Variants in TENT4A observed in about 807,000 individuals in gnomAD.
TENT4A encodes DNA polymerase kappa.
TENT4A carries 7 observed loss-of-function variants against 72.8 expected under a neutral mutation model. The observed-to-expected ratio is 0.10, with a 90% CI of 0.05 to 0.18. The LOEUF (loss-of-function observed/expected upper bound fraction) is 0.18, where lower values mean the gene tolerates loss of function less well. Ranked by LOEUF, TENT4A falls within the 10% of genes least tolerant of loss-of-function variation. The pLI is 1.00. For missense variants in TENT4A, 831 were observed against 1,017.7 expected, an observed-to-expected ratio of 0.82 and a Z score of 2.50; for synonymous variants, 456 against 434.3, an observed-to-expected ratio of 1.05 and a Z score of -0.62.
chr5:6,744,264 T>C (rs953602154), intron 6 of TENT4A, among the ~76,000 whole-genome samples: 1 of 152,238 alleles, frequency 6.6e-6, no homozygotes, highest in Non-Finnish European at 1.5e-5. Context: ...TGATGAAACA[T>C]CATTATTTTG....
rs1742701891 is a variant in TENT4A, at chr5:6,756,400, A to G, written c.*1455A>G. 6.6e-6 allele frequency: 1 copy of G among 152,610 alleles called. No homozygotes were observed. Among genetic ancestry groups the G allele is most frequent in the South Asian group, 2.1e-4 (1 of 4,826 alleles). The allele number at this position is 152,610 out of a possible 1,614,324, so 9.5% of individuals were successfully genotyped here. ...ACAGGTAGGTTGGTCTTTGAAGTCC[A>G]CTAGTGGAGAATGTCAAGACAAGAT... On this transcript the variant is annotated 3_prime_UTR_variant, in exon 13 of 13. Transcript: ENST00000230859.
At chr5:6,734,879 T>C (rs2126627865) in intron 1 of TENT4A, among the ~76,000 whole-genome samples, 1 of 152,350 alleles carries the variant, frequency 6.6e-6, no homozygotes, top group Non-Finnish European at 1.5e-5. Flanking sequence ...CAAAAACGGA[T>C]GCCATGTTAC....
chr5:6,748,420 T>A (rs747156714), intron 7 of TENT4A, 44 bp from the exon 8 acceptor site: 1 of 1,607,078 alleles, frequency 6.2e-7, no homozygotes, highest in Non-Finnish European at 8.5e-7. Context: ...ATGTGGACGA[T>A]GGTGTGCATG....
At chr5:6,722,407 C>G (rs575731010) in intron 1 of TENT4A, among the ~76,000 whole-genome samples, 4 of 152,150 alleles carry the variant, frequency 2.6e-5, no homozygotes, top group Non-Finnish European at 5.9e-5. Flanking sequence ...AAAGTGAAAA[C>G]TGCTAAAGAC....
At chr5:6,741,674 T>G (rs189541846) in intron 4 of TENT4A, among the ~76,000 whole-genome samples, 4 of 152,372 alleles carry the variant, frequency 2.6e-5, no homozygotes, top group Admixed American at 2.6e-4. Context: ...CCTCACACGC[T>G]GAGTCCTTGG....
At chr5:6,741,828 AAGGCTGAAGGAAAC>A (rs1208709254) in intron 4 of TENT4A, among the ~76,000 whole-genome samples, 4 of 152,180 alleles carry the variant, frequency 2.6e-5, no homozygotes, top group African/African-American at 9.7e-5. Context: ...TTAATCCTTC[AAGGCTGAAGGAAAC>A]AAAACATTGC....
In TENT4A at chr5:6,752,627, A is replaced by G. The variant is rs141369265; in HGVS notation, c.2020-246A>G. On this transcript the variant is annotated intron_variant, in intron 11 of 12. Coordinates refer to ENST00000230859, the MANE Select transcript of TENT4A (RefSeq NM_006999.6). ...TAATGTCTTGATCGTTTGATCTTCA[A>G]TGAGTTTCAAACTTTATGACTTGGA... Among the ~76,000 whole-genome samples the G allele has an allele frequency of 1.2e-4, 19 of 152,372 alleles. No individual in the cohort carries two copies. In the East Asian group the frequency reaches 2.3e-3, roughly 19 times the overall value.
chr5:6,732,595 C>T (rs1741266572), intron 1 of TENT4A, among the ~76,000 whole-genome samples: 1 of 152,184 alleles, frequency 6.6e-6, no homozygotes, highest in Non-Finnish European at 1.5e-5. Context: ...TGGACTCTTG[C>T]AAGGCAGTGA....
chr5:6,725,641 A>G (rs1388599926), intron 1 of TENT4A, among the ~76,000 whole-genome samples: 1 of 152,210 alleles, frequency 6.6e-6, no homozygotes, highest in Non-Finnish European at 1.5e-5. Flanking sequence ...GTGCTAACTA[A>G]CTAAAACATA....
intron 1 of TENT4A, among the ~76,000 whole-genome samples, chr5:6,735,748 G>GTT (rs35689170): frequency 1.3e-5 from 2 of 149,082 alleles, no homozygotes; most frequent in African/African-American, 4.9e-5. Flanking sequence ...TTGGGGTGAG[G>GTT]TTTTTTCTTA....
rs562163766 is a variant in TENT4A, at chr5:6,734,461, C to T, written c.717-3049C>T. Among the ~76,000 whole-genome samples, 70 of 152,306 alleles carry T rather than the reference C, an allele frequency of 4.6e-4. No homozygotes were observed. The South Asian group carries it at 8.5e-3, about 18-fold the overall frequency. Reference sequence around the variant, plus strand: ...CCTCGTGGGCAGTCCTGGAGTCGTGCGGCACCTTGCTGGTCCCTGCTCTCC... The same window carrying T: ...CCTCGTGGGCAGTCCTGGAGTCGTGTGGCACCTTGCTGGTCCCTGCTCTCC... On this transcript the variant is annotated intron_variant, in intron 1 of 12. Transcript: ENST00000230859.
intron 7 of TENT4A, among the ~76,000 whole-genome samples, chr5:6,747,757 C>T (rs931515595): frequency 6.6e-6 from 1 of 152,182 alleles, no homozygotes; most frequent in Non-Finnish European, 1.5e-5. Context: ...GTACTTAGAA[C>T]ATATATCCTT....
rs1431834006 is a variant in TENT4A at position 6,714,316 on chromosome 5, G to GTCGTCGTCCTCC, written c.339_350dup (p.Ser114_Ser117dup). On this transcript the variant is annotated inframe_insertion, in exon 1 of 13. Transcript: ENST00000230859. ...ACAAGTCGCCGTCGCTGTCGTCCTCGTCGTCGTCCTCCTCGTCCAACGCGG... is the reference window on the plus strand; with the variant it reads ...ACAAGTCGCCGTCGCTGTCGTCCTCGTCGTCGTCCTCCTCGTCGTCCTCCTCGTCCAACGCGG... The GTCGTCGTCCTCC allele has an allele frequency of 7.0e-5, 78 of 1,111,980 alleles. No homozygotes were observed. Among genetic ancestry groups the GTCGTCGTCCTCC allele is most frequent in the Non-Finnish European group, 8.2e-5 (75 of 912,334 alleles). The allele number at this position is 1,111,980 out of a possible 1,614,324, so 68.9% of individuals were successfully genotyped here. A position where few individuals can be genotyped will look rare whatever the true frequency, so the allele number is the denominator to read the frequency against.
intron 1 of TENT4A, among the ~76,000 whole-genome samples, chr5:6,716,157 CGAGCTGT>C (rs981594922): frequency 6.6e-6 from 1 of 152,138 alleles, no homozygotes; most frequent in Non-Finnish European, 1.5e-5. Flanking sequence ...TTGGGCTCCC[CGAGCTGT>C]TTCCTCCAGG....
chr5:6,715,819 T>C (rs1740353064), intron 1 of TENT4A, among the ~76,000 whole-genome samples: 1 of 152,242 alleles, frequency 6.6e-6, no homozygotes, highest in Non-Finnish European at 1.5e-5. Context: ...TGGCTTGGGC[T>C]ACAAGCGATA....
At chr5:6,746,084 T>A (rs952681628) in intron 6 of TENT4A, 130 bp from the exon 7 acceptor site, 2 of 1,535,092 alleles carry the variant, frequency 1.3e-6, no homozygotes, top group Admixed American at 4.4e-5. Flanking sequence ...CTCGTGGTGC[T>A]GGTGAGTGAG....
Position 6,748,467 on chromosome 5 carries a change from A to G in TENT4A, c.1463A>G (p.Asn488Ser). The change falls in exon 8 of 13, where the codon AAT (asparagine) becomes AGT (serine). Residue 488 changes from asparagine (N) to serine (S), a missense_variant. This residue lies in a region of TENT4A where 197 missense variants were observed against 399.6 expected (regional missense o/e 0.49). Coordinates refer to ENST00000230859, the MANE Select transcript of TENT4A (RefSeq NM_006999.6). ...LCIEDPLLPGNDVGRSSYGAM... is the reference protein window; with the variant it reads ...LCIEDPLLPGSDVGRSSYGAM... ...TGACATAGCCTTTTTGCTGCAGGGAATGACGTTGGCCGGAGCTCCTATGGC... is the reference window on the plus strand; with the variant it reads ...TGACATAGCCTTTTTGCTGCAGGGAGTGACGTTGGCCGGAGCTCCTATGGC... The G allele has an allele frequency of 3.1e-6, 5 of 1,614,028 alleles. No homozygotes were observed. Among genetic ancestry groups the G allele is most frequent in the Non-Finnish European group, 4.2e-6 (5 of 1,179,912 alleles).
rs540381556 is a variant in TENT4A, at chr5:6,720,598, C to A, written c.716+5899C>A. Among the ~76,000 whole-genome samples the A allele has an allele frequency of 4.6e-5, 7 of 151,872 alleles. No homozygotes were observed. The East Asian group carries it at 1.2e-3, about 25-fold the overall frequency. On this transcript the variant is annotated intron_variant, in intron 1 of 12. Coordinates refer to ENST00000230859, the MANE Select transcript of TENT4A (RefSeq NM_006999.6). ...GGCAGAGGCAGGAGAATCCTTTGAA[C>A]TGGAGAGTTGGAGGTTGCAGTGAGC...
In TENT4A at chr5:6,714,318, C is replaced by T. The variant is rs986484689; in HGVS notation, c.335C>T (p.Ser112Leu). 4.5e-6 allele frequency: 5 copies of T among 1,114,936 alleles called. No homozygotes were observed. The highest frequency in any genetic ancestry group is 3.3e-5 in the African/African-American group (2 of 59,882). The allele number at this position is 1,114,936 out of a possible 1,614,324, so 69.1% of individuals were successfully genotyped here. Reference sequence around the variant, plus strand: ...AAGTCGCCGTCGCTGTCGTCCTCGTCGTCGTCCTCCTCGTCCAACGCGGAG... The same window carrying T: ...AAGTCGCCGTCGCTGTCGTCCTCGTTGTCGTCCTCCTCGTCCAACGCGGAG... Reference protein sequence around the residue: ...LHKSPSLSSSSSSSSSNAESG... With the variant: ...LHKSPSLSSSLSSSSSNAESG... Residue 112 changes from serine to leucine, a missense_variant, in exon 1 of 13, where the codon TCG (serine) becomes TTG (leucine). Physicochemically the swap from Ser to Leu is moderately radical, Grantham distance 145. Around this residue, in one of 3 missense-constraint regions of TENT4A, gnomAD observed 302 missense variants for 293.8 expected, o/e 1.03. Transcript: ENST00000230859.
Sources: gnomAD v4.1 joint callset for allele counts (sites outside exome capture counted in the v4.1 genomes callset) on GRCh38, gnomAD v4.1.1 for gene constraint, gnomAD v4.1.1 regional missense constraint, MANE v1.5 for transcripts, NCBI Gene and HGNC (gene_info 2026-07-23, HGNC 2026-07-21) for gene names.